Variants in AKR1C3 observed in about 807,000 individuals in gnomAD.
AKR1C3 encodes 3-alpha hydroxysteroid dehydrogenase, type II.
AKR1C3 carries 48 observed loss-of-function variants against 43.6 expected under a neutral mutation model. The ratio of observed to expected loss-of-function variants is 1.10; its 90% CI spans 0.87 to 1.40. The LOEUF (loss-of-function observed/expected upper bound fraction) is 1.40. AKR1C3 is among the 40% of genes most tolerant of loss of function. AKR1C3 has a pLI of 0.00. For missense variants in AKR1C3, 482 were observed against 391.2 expected (o/e 1.23, Z -1.96); for synonymous variants, 162 against 139.6 (o/e 1.16, Z -1.13).
chr10:5,074,768 T>A (rs1423879394), intron 1 of AKR1C3, among the ~76,000 whole-genome samples: 2 of 152,330 alleles, frequency 1.3e-5, no homozygotes, highest in South Asian at 2.1e-4. Flanking sequence ...AGGAAATTCC[T>A]GGTGAGCTGT....
intron 1 of AKR1C3, among the ~76,000 whole-genome samples, chr10:5,056,006 G>A (rs7907397): frequency 0.52 from 79,664 of 152,014 alleles, 21,296 homozygotes; most frequent in East Asian, 0.79. Flanking sequence ...TATTTGACCT[G>A]CTGTAGCAAA....
At chr10:5,052,135 T>A (rs1838166122) in intron 1 of AKR1C3, among the ~76,000 whole-genome samples, 1 of 152,128 alleles carries the variant, frequency 6.6e-6, no homozygotes, top group Non-Finnish European at 1.5e-5. Flanking sequence ...GGGTGCATGG[T>A]CGCGTTGGCT....
chr10:5,065,029 C>T (rs1838470073), intron 1 of AKR1C3, among the ~76,000 whole-genome samples: 1 of 152,046 alleles, frequency 6.6e-6, no homozygotes, highest in Non-Finnish European at 1.5e-5. Flanking sequence ...CATCACTGAT[C>T]ATTAGAGAAA....
chr10:5,054,012 A>G (rs531453313), intron 1 of AKR1C3, among the ~76,000 whole-genome samples: 2 of 152,142 alleles, frequency 1.3e-5, no homozygotes. Flanking sequence ...ATGTTGCCCA[A>G]CTCCAGAGGT....
intron 5 of AKR1C3, 87 bp from the exon 6 acceptor site, chr10:5,102,014 A>G (rs1839363503): frequency 2.4e-6 from 2 of 835,384 alleles, no homozygotes; most frequent in Non-Finnish European, 4.0e-6. Flanking sequence ...TATACTGATT[A>G]TTATTCAGCT....
chr10:5,071,118 T>G (rs1838605733), intron 1 of AKR1C3, among the ~76,000 whole-genome samples: 1 of 152,242 alleles, frequency 6.6e-6, no homozygotes, highest in South Asian at 2.1e-4. Flanking sequence ...TGTATCTTAC[T>G]GTGCTTTATG....
chr10:5,070,628 A>G (rs1404593270), intron 1 of AKR1C3, among the ~76,000 whole-genome samples: 7 of 152,178 alleles, frequency 4.6e-5, no homozygotes, highest in Non-Finnish European at 8.8e-5. Flanking sequence ...CTGTCTCCAG[A>G]CCCTATTTTT....
intron 7 of AKR1C3, among the ~76,000 whole-genome samples, chr10:5,103,996 A>G (rs1334817395): frequency 6.6e-6 from 1 of 152,076 alleles, no homozygotes; most frequent in Non-Finnish European, 1.5e-5. Flanking sequence ...ACATACATAT[A>G]TATATTCTGG....
chr10:5,061,037 C>T (rs1418707926), intron 1 of AKR1C3, among the ~76,000 whole-genome samples: 1 of 152,208 alleles, frequency 6.6e-6, no homozygotes, highest in Non-Finnish European at 1.5e-5. Context: ...CCACACCTCC[C>T]TGCAAGCTGA....
intron 1 of AKR1C3, among the ~76,000 whole-genome samples, chr10:5,058,614 C>G (rs1382530189): frequency 6.6e-6 from 1 of 152,112 alleles, no homozygotes; most frequent in African/African-American, 2.4e-5. Context: ...ATCAGAATAC[C>G]TGTGCTCACC....
chr10:5,102,620 C>A lies in AKR1C3; in HGVS notation c.816C>A (p.Tyr272Ter). The change falls in exon 7 of 9, where the codon TAC (tyrosine) becomes TAA (stop). Residue 272 changes from tyrosine (Y) to a stop codon, truncating the protein, a stop_gained. Transcript: ENST00000380554. LOFTEE classifies it high-confidence loss of function. ...GGGTTGTGGTCCTGGCCAAGAGCTA[C>A]AATGAGCAGCGCATCAGACAGAACG... ...QRGVVVLAKS[Y>*]NEQRIRQNVQ... 6.7e-7 allele frequency: 1 copy of A among 1,501,920 alleles called. No homozygotes were observed. Among genetic ancestry groups the A allele is most frequent in the Non-Finnish European group, 8.9e-7 (1 of 1,123,884 alleles). 93.0% of individuals were successfully genotyped at this position (1,501,920 alleles called of 1,614,324 possible). A position where few individuals can be genotyped will look rare whatever the true frequency, so the allele number is the denominator to read the frequency against.
rs541375004 is a variant in AKR1C3, at chr10:5,099,552, G to A, written c.570+103G>A. On this transcript the variant is annotated intron_variant, in intron 5 of 8. Transcript: ENST00000380554. ...TTGTCCCAGTTATCTTTGTGAAGTAGAAGATTATCTAGAGAGCAAAGCTTC... is the reference window on the plus strand; with the variant it reads ...TTGTCCCAGTTATCTTTGTGAAGTAAAAGATTATCTAGAGAGCAAAGCTTC... The A allele has an allele frequency of 2.4e-5, 38 of 1,565,284 alleles. No homozygotes were observed. In the South Asian group the frequency reaches 4.0e-4, roughly 16 times the overall value.
intron 1 of AKR1C3, among the ~76,000 whole-genome samples, chr10:5,088,511 T>C (rs1839020677): frequency 6.6e-6 from 1 of 152,014 alleles, no homozygotes; most frequent in Admixed American, 6.6e-5. Flanking sequence ...TGCTCCAATA[T>C]TGAATACATT....
intron 1 of AKR1C3, among the ~76,000 whole-genome samples, chr10:5,055,283 A>G (rs1554779439): frequency 6.6e-6 from 1 of 152,244 alleles, no homozygotes; most frequent in African/African-American, 2.4e-5. Context: ...GACGGCATAA[A>G]TCTAGACTAT....
At chr10:5,101,124 C>A (rs1444933556) in intron 5 of AKR1C3, among the ~76,000 whole-genome samples, 1 of 152,142 alleles carries the variant, frequency 6.6e-6, no homozygotes. Flanking sequence ...ATGGAAATGT[C>A]TTTTATAGTG....
At chr10:5,072,858 C>T (rs1838640864) in intron 1 of AKR1C3, among the ~76,000 whole-genome samples, 1 of 152,168 alleles carries the variant, frequency 6.6e-6, no homozygotes, top group Non-Finnish European at 1.5e-5. Context: ...GATTATATTT[C>T]TTGGCTATAT....
chr10:5,060,994 G>A lies in AKR1C3; in HGVS notation c.84+12099G>A, dbSNP rs145177515. On this transcript the variant is annotated intron_variant, in intron 1 of 8. Coordinates refer to the AKR1C3 transcript ENST00000439082. ...ACTCACGCTGGCCCACAAGCGTGGCGCACAGCCCCAGTTCCCTCCCGTGCC... is the reference window on the plus strand; with the variant it reads ...ACTCACGCTGGCCCACAAGCGTGGCACACAGCCCCAGTTCCCTCCCGTGCC... Among the ~76,000 whole-genome samples the A allele has an allele frequency of 2.4e-3, 364 of 152,298 alleles. 2 individuals carry two copies. The highest frequency in any genetic ancestry group is 8.0e-3 in the African/African-American group (334 of 41,576).
chr10:5,064,619 A>C (rs1358187732), intron 1 of AKR1C3, among the ~76,000 whole-genome samples: 1 of 152,208 alleles, frequency 6.6e-6, no homozygotes, highest in Non-Finnish European at 1.5e-5. Context: ...GAAAATGCCC[A>C]CACACTATGC....
chr10:5,083,909 A>G (rs1338829480), intron 1 of AKR1C3, among the ~76,000 whole-genome samples: 96 of 152,246 alleles, frequency 6.3e-4, no homozygotes, highest in African/African-American at 2.2e-3. Context: ...TACTTTGCCC[A>G]CTTTTTGATG....
Sources: allele counts gnomAD v4.1 joint callset (sites outside exome capture counted in the v4.1 genomes callset), GRCh38; gene constraint gnomAD v4.1.1; transcripts MANE v1.5; gene names NCBI Gene and HGNC (gene_info 2026-07-23, HGNC 2026-07-21).